MB21D2: variants seen among roughly 807,000 people sequenced by gnomAD.
MB21D2 encodes the protein nucleotidyltransferase MB21D2.
In MB21D2, 9 loss-of-function variants were observed where a neutral mutation model predicts 33.3. The observed-to-expected ratio is 0.27, with a 90% CI of 0.16 to 0.47. MB21D2 has a LOEUF of 0.47. Ranked by LOEUF, MB21D2 falls within the 20% of genes least tolerant of loss-of-function variation. The probability of loss-of-function intolerance (pLI) is 0.99; values close to 1 mark genes in which losing one functional copy is unlikely to be tolerated. For synonymous variants in MB21D2, 241 were observed against 236.3 expected, an observed-to-expected ratio of 1.02 and a Z score of -0.18; for missense variants, 540 against 624.6, an observed-to-expected ratio of 0.86 and a Z score of 1.44.
At chr3:192,868,013 T>G (rs1386502773) in intron 1 of MB21D2, among the ~76,000 whole-genome samples, 1 of 152,190 alleles carries the variant, frequency 6.6e-6, no homozygotes, top group African/African-American at 2.4e-5. Context: ...ACAGCAATTG[T>G]AGGCCATCCG....
intron 1 of MB21D2, among the ~76,000 whole-genome samples, chr3:192,846,395 GTTTTGGTA>G (rs1712680901): frequency 1.3e-5 from 2 of 152,102 alleles, no homozygotes; most frequent in South Asian, 4.1e-4. Flanking sequence ...TCATAACAAA[GTTTTGGTA>G]TTTTGTTTTA....
intron 1 of MB21D2, among the ~76,000 whole-genome samples, chr3:192,869,283 A>AAGAAGGGG (rs1713236514): frequency 8.8e-6 from 1 of 113,636 alleles, no homozygotes; most frequent in Non-Finnish European, 1.7e-5. Context: ...GGAAGGAAGG[A>AAGAAGGGG]AGGAGGGGAG....
At chr3:192,824,358 T>C (rs1010355866) in intron 1 of MB21D2, among the ~76,000 whole-genome samples, 2 of 152,100 alleles carry the variant, frequency 1.3e-5, no homozygotes, top group Non-Finnish European at 1.5e-5. Flanking sequence ...TTGGAGTTTA[T>C]AGAAAATAAG....
intron 1 of MB21D2, among the ~76,000 whole-genome samples, chr3:192,830,258 GT>G (rs772893007): frequency 0.018 from 2,728 of 152,074 alleles, 77 homozygotes; most frequent in South Asian, 0.14. Flanking sequence ...GTGTGTGTGT[GT>G]GTGTGTGTGT....
intron 1 of MB21D2, among the ~76,000 whole-genome samples, chr3:192,909,799 G>T (rs1419863399): frequency 6.6e-6 from 1 of 151,790 alleles, no homozygotes; most frequent in Non-Finnish European, 1.5e-5. Flanking sequence ...AGGCATGGTG[G>T]CACGCACCTG....
At chr3:192,835,154 A>AAAC (rs1553857243) in intron 1 of MB21D2, among the ~76,000 whole-genome samples, 2 of 94,910 alleles carry the variant, frequency 2.1e-5, no homozygotes, top group Admixed American at 1.1e-4. Context: ...AAGTGTCTTT[A>AAAC]AAAAAAAAAA....
chr3:192,913,420 T>G (rs1299247999), intron 1 of MB21D2, among the ~76,000 whole-genome samples: 1 of 152,096 alleles, frequency 6.6e-6, no homozygotes, highest in Non-Finnish European at 1.5e-5. Flanking sequence ...AAACAAACAT[T>G]TATTTAAATA....
At chr3:192,904,840 C>T (rs1689818109) in intron 1 of MB21D2, among the ~76,000 whole-genome samples, 1 of 152,236 alleles carries the variant, frequency 6.6e-6, no homozygotes, top group African/African-American at 2.4e-5. Flanking sequence ...TCGGCATTTA[C>T]TGAGCCACCC....
chr3:192,887,102 C>T (rs759110516), intron 1 of MB21D2, among the ~76,000 whole-genome samples: 9 of 152,134 alleles, frequency 5.9e-5, no homozygotes, highest in Non-Finnish European at 1.2e-4. Flanking sequence ...GTTTCTTTGT[C>T]CACTCTGGGA....
At chr3:192,912,802 TTC>T (rs1206839084) in intron 1 of MB21D2, among the ~76,000 whole-genome samples, 2 of 152,236 alleles carry the variant, frequency 1.3e-5, no homozygotes, top group African/African-American at 4.8e-5. Flanking sequence ...GAACATGAGC[TTC>T]TGAGTCAGGA....
At chr3:192,856,034 G>A (rs925092577) in intron 1 of MB21D2, among the ~76,000 whole-genome samples, 2 of 152,172 alleles carry the variant, frequency 1.3e-5, no homozygotes, top group African/African-American at 4.8e-5. Context: ...TCCAGCCTAG[G>A]TAACGAAGCA....
chr3:192,822,737 A>C (rs1712088488), intron 1 of MB21D2, among the ~76,000 whole-genome samples: 1 of 152,202 alleles, frequency 6.6e-6, no homozygotes, highest in Non-Finnish European at 1.5e-5. Flanking sequence ...GACCCTTAGA[A>C]CATCTAATGT....
At chr3:192,914,733 TACAA>T (rs766988090) in intron 1 of MB21D2, among the ~76,000 whole-genome samples, 65 of 151,814 alleles carry the variant, frequency 4.3e-4, no homozygotes, top group Non-Finnish European at 9.0e-4. Flanking sequence ...AGAATCTCTG[TACAA>T]ACAGAGAGCA....
chr3:192,860,082 A>G (rs1051001652), intron 1 of MB21D2, among the ~76,000 whole-genome samples: 2 of 152,230 alleles, frequency 1.3e-5, no homozygotes, highest in African/African-American at 2.4e-5. Context: ...TTAGAAAGCA[A>G]TTCACCTGGG....
intron 1 of MB21D2, among the ~76,000 whole-genome samples, chr3:192,815,671 G>A (rs1435837547): frequency 6.6e-6 from 1 of 152,162 alleles, no homozygotes; most frequent in Non-Finnish European, 1.5e-5. Flanking sequence ...AAACATGATA[G>A]TAATTGAGAT....
At chr3:192,868,935 T>C (rs1350463589) in intron 1 of MB21D2, among the ~76,000 whole-genome samples, 2 of 152,196 alleles carry the variant, frequency 1.3e-5, no homozygotes, top group Non-Finnish European at 2.9e-5. Context: ...ACCGGAACTA[T>C]GTCCATGAAA....
At chr3:192,893,853 T>C (rs1226171087) in intron 1 of MB21D2, among the ~76,000 whole-genome samples, 3 of 152,078 alleles carry the variant, frequency 2.0e-5, no homozygotes, top group Admixed American at 6.5e-5. Context: ...CTGGGCAACA[T>C]AGAGAGACCC....
chr3:192,887,480 T>G (rs1713758122), intron 1 of MB21D2, among the ~76,000 whole-genome samples: 1 of 152,198 alleles, frequency 6.6e-6, no homozygotes, highest in South Asian at 2.1e-4. Context: ...AAGATCGTAA[T>G]TTTATGCTAT....
chr3:192,893,329 T>G (rs1343999716), intron 1 of MB21D2, among the ~76,000 whole-genome samples: 1 of 152,202 alleles, frequency 6.6e-6, no homozygotes, highest in Non-Finnish European at 1.5e-5. Flanking sequence ...CGACCACCAC[T>G]GCAAATCTCT....
Sources: allele counts gnomAD v4.1 joint callset (sites outside exome capture counted in the v4.1 genomes callset), GRCh38; gene constraint gnomAD v4.1.1; transcripts MANE v1.5; gene names NCBI Gene and HGNC (gene_info 2026-07-23, HGNC 2026-07-21).